Variants in NEK11 observed in about 807,000 individuals in gnomAD.
The protein encoded by NEK11 is NIMA related kinase 11.
Under a neutral mutation model 80.7 loss-of-function variants are expected in NEK11, and 72 were observed. That is an observed-to-expected ratio of 0.89 (90% CI 0.74 to 1.08). NEK11 has a LOEUF of 1.08. Ranked by LOEUF, NEK11 falls within the 50% of genes least tolerant of loss-of-function variation. NEK11 has a pLI of 0.00. For synonymous variants in NEK11, 251 were observed against 260.7 expected, an observed-to-expected ratio of 0.96 and a Z score of 0.36; for missense variants, 764 against 763.6, an observed-to-expected ratio of 1.00 and a Z score of -0.01.
intron 4 of NEK11, among the ~76,000 whole-genome samples, chr3:131,099,633 AC>A (rs2078059827): frequency 6.6e-6 from 1 of 152,004 alleles, no homozygotes; most frequent in Non-Finnish European, 1.5e-5. Flanking sequence ...TAGTGTCATC[AC>A]TGATTTCTTT....
At chr3:131,059,146 G>C (rs556591329) in intron 3 of NEK11, among the ~76,000 whole-genome samples, 3 of 152,126 alleles carry the variant, frequency 2.0e-5, no homozygotes, top group Non-Finnish European at 4.4e-5. Flanking sequence ...CAGTCTTCTT[G>C]GTTCCCCTGA....
chr3:131,254,954 A>G (rs2095779084), intron 16 of NEK11, among the ~76,000 whole-genome samples: 3 of 151,882 alleles, frequency 2.0e-5, no homozygotes, highest in Admixed American at 2.0e-4. Context: ...CAAGAGGTGG[A>G]GGTTGCAGCA....
intron 5 of NEK11, among the ~76,000 whole-genome samples, chr3:131,126,353 G>A (rs12639582): frequency 0.18 from 28,007 of 151,862 alleles, 2,679 homozygotes; most frequent in Middle Eastern, 0.22. Context: ...CTTAAGTTAC[G>A]TGAATGATAA....
chr3:131,257,195 C>T lies in NEK11; in HGVS notation c.1621+13699C>T, dbSNP rs137863254. On this transcript the variant is annotated intron_variant, in intron 16 of 17. Coordinates refer to ENST00000383366, the MANE Select transcript of NEK11 (RefSeq NM_024800.5). ...ATTTTTTGTAGAGATGGGGTTTTGCCATGTTGCTCAGGCTGGTCTTGAACC... is the reference window on the plus strand; with the variant it reads ...ATTTTTTGTAGAGATGGGGTTTTGCTATGTTGCTCAGGCTGGTCTTGAACC... Among the ~76,000 whole-genome samples, 1,443 of 150,968 alleles carry T rather than the reference C, an allele frequency of 9.6e-3. 17 individuals carry two copies. The highest frequency in any genetic ancestry group is 0.032 in the African/African-American group (1,294 of 41,020).
At chr3:131,283,414 T>C (rs970584308) in intron 17 of NEK11, among the ~76,000 whole-genome samples, 2 of 152,232 alleles carry the variant, frequency 1.3e-5, no homozygotes, top group Non-Finnish European at 2.9e-5. Flanking sequence ...AGGGTTGGTC[T>C]GTCTGCTGTC....
intron 3 of NEK11, among the ~76,000 whole-genome samples, chr3:131,064,401 C>G (rs1016831106): frequency 6.6e-6 from 1 of 152,124 alleles, no homozygotes; most frequent in African/African-American, 2.4e-5. Context: ...TTTCACATGG[C>G]CTTTCTGTGT....
intron 4 of NEK11, among the ~76,000 whole-genome samples, chr3:131,094,447 G>T (rs1192413414): frequency 6.6e-6 from 1 of 152,124 alleles, no homozygotes; most frequent in Non-Finnish European, 1.5e-5. Context: ...TCCAAGGGGG[G>T]TGGATCTGAC....
At chr3:131,103,069 T>C (rs752812453) in intron 4 of NEK11, among the ~76,000 whole-genome samples, 1 of 152,176 alleles carries the variant, frequency 6.6e-6, no homozygotes, top group Non-Finnish European at 1.5e-5. Flanking sequence ...CTTAGATCAT[T>C]TTACTAATTC....
rs55806123 is a variant in NEK11, at chr3:131,109,834, A to G, written c.368A>G (p.Tyr123Cys). 3.8e-4 allele frequency: 614 copies of G among 1,605,170 alleles called. 3 individuals are homozygous for G. In the East Asian group the frequency reaches 0.013, roughly 33 times the overall value. ...GRDLDDKIQE[Y>C]KQAGKIFPEN... ...GATCTGGACGATAAAATTCAGGAAT[A>G]TAAACAAGCTGGAAAAATCTTTCCA... Residue 123 changes from tyrosine (Y) to cysteine (C), a missense_variant, in exon 5 of 18, where the codon TAT (tyrosine) becomes TGT (cysteine). Coordinates refer to ENST00000383366, the MANE Select transcript of NEK11 (RefSeq NM_024800.5).
In NEK11 at chr3:131,039,123, A is replaced by T. The variant is rs182475881; in HGVS notation, c.170+9245A>T. On this transcript the variant is annotated intron_variant, in intron 3 of 17. Transcript: ENST00000383366. ...TATTCAATAAATAAAGTATTTTAGG[A>T]TGAGTGCAAAAAATGCAAGAGCAAA... is the stretch of plus-strand genomic sequence containing the variant. 3.0e-3 allele frequency among the ~76,000 whole-genome samples: 462 copies of T among 152,300 alleles called. 1 individual carries two copies. Among genetic ancestry groups the T allele is most frequent in the Middle Eastern group, 6.8e-3 (2 of 294 alleles).
chr3:131,119,915 G>A (rs944825667), intron 5 of NEK11, among the ~76,000 whole-genome samples: 2 of 152,158 alleles, frequency 1.3e-5, no homozygotes, highest in African/African-American at 4.8e-5. Flanking sequence ...ACACCGATGG[G>A]TCTTGACTCT....
chr3:131,207,070 T>C (rs2094462024), intron 14 of NEK11, among the ~76,000 whole-genome samples: 2 of 152,248 alleles, frequency 1.3e-5, no homozygotes, highest in Admixed American at 1.3e-4. Flanking sequence ...CTATCATTGA[T>C]GGACATTTGG....
At chr3:131,169,394 A>G (rs115163911) in intron 13 of NEK11, among the ~76,000 whole-genome samples, 1 of 152,160 alleles carries the variant, frequency 6.6e-6, no homozygotes, top group Non-Finnish European at 1.5e-5. Flanking sequence ...TATAAAAATT[A>G]TTTGAGGCAT....
intron 3 of NEK11, among the ~76,000 whole-genome samples, chr3:131,058,415 A>G (rs1475385085): frequency 4.6e-5 from 7 of 152,182 alleles, no homozygotes; most frequent in Admixed American, 3.3e-4. Context: ...GTTTTTTCCA[A>G]TTCTGTGAAG....
At chr3:131,273,782 A>G (rs2096244019) in intron 17 of NEK11, among the ~76,000 whole-genome samples, 1 of 152,200 alleles carries the variant, frequency 6.6e-6, no homozygotes, top group Non-Finnish European at 1.5e-5. Context: ...TTTGGCAAGA[A>G]TTATTTTTCA....
At chr3:131,184,898 C>T (rs890639104) in intron 14 of NEK11, 2 of 302,654 alleles carry the variant, frequency 6.6e-6, no homozygotes, top group African/African-American at 2.2e-5. Context: ...TGTTCTTCTG[C>T]AGTAACTATA....
At chr3:131,336,199 C>A (rs574683152) in intron 17 of NEK11, among the ~76,000 whole-genome samples, 1 of 152,168 alleles carries the variant, frequency 6.6e-6, no homozygotes, top group African/African-American at 2.4e-5. Context: ...GGAGGCATCA[C>A]GCTACCTGAC....
rs571094702 is a variant in NEK11 at position 131,124,274 on chromosome 3, G to T, written c.456-8471G>T. 2.6e-5 allele frequency among the ~76,000 whole-genome samples: 4 copies of T among 152,266 alleles called. No individual in the cohort carries two copies. In the East Asian group the frequency reaches 5.8e-4, roughly 22 times the overall value. ...ATGGAAGAGACAAAAGATATTAGTGGATATTTTTCCACTGCAGTGCTGGAC... is the reference window on the plus strand; with the variant it reads ...ATGGAAGAGACAAAAGATATTAGTGTATATTTTTCCACTGCAGTGCTGGAC... On this transcript the variant is annotated intron_variant, in intron 5 of 17. Coordinates refer to ENST00000383366, the MANE Select transcript of NEK11 (RefSeq NM_024800.5).
chr3:131,246,405 A>G (rs1293571743), intron 16 of NEK11, among the ~76,000 whole-genome samples: 1 of 152,112 alleles, frequency 6.6e-6, no homozygotes, highest in Non-Finnish European at 1.5e-5. Flanking sequence ...CTCCATTTCC[A>G]TCCAGGTTGC....
Sources: allele counts gnomAD v4.1 joint callset (sites outside exome capture counted in the v4.1 genomes callset), GRCh38; gene constraint gnomAD v4.1.1; transcripts MANE v1.5; gene names NCBI Gene and HGNC (gene_info 2026-07-23, HGNC 2026-07-21).